DNAJC10: variants seen among roughly 807,000 people sequenced by gnomAD.
DNAJC10 encodes endoplasmic reticulum disulfide reductase DNAJC10.
Under a neutral mutation model 115.0 loss-of-function variants are expected in DNAJC10, and 101 were observed. The ratio of observed to expected loss-of-function variants is 0.88; its 90% CI spans 0.75 to 1.04. The LOEUF is 1.04. Ranked by LOEUF, DNAJC10 falls within the 50% of genes least tolerant of loss-of-function variation. The pLI is 0.00. For synonymous variants in DNAJC10, 307 were observed against 301.5 expected, an observed-to-expected ratio of 1.02 and a Z score of -0.19; for missense variants, 981 against 928.8, an observed-to-expected ratio of 1.06 and a Z score of -0.73.
At position 182,757,820 on chromosome 2, in the gene DNAJC10, T is replaced by G. The variant is rs288334; in HGVS notation, c.1938T>G (p.His646Gln). The G allele has an allele frequency of 0.63, 907,874 of 1,444,140 alleles. 290,293 individuals carry two copies. The highest frequency in any genetic ancestry group is 0.81 in the African/African-American group (56,841 of 70,390). 89.5% of individuals were successfully genotyped at this position (1,444,140 alleles called of 1,614,324 possible). The change falls in exon 19 of 24, where the codon CAT (histidine) becomes CAG (glutamine). Residue 646 changes from histidine (H) to glutamine (Q), a missense_variant. His to Gln is a conservative substitution (Grantham distance 24, BLOSUM62 0). Transcript: ENST00000264065. ...CCCCAAAATCAAATAAAGCTTATCA[T>G]TATCAGTAAGTATTCTCTCATATTT... ...FFPPKSNKAY[H>Q]YHSYNGWNRD...
chr2:182,753,804 G>A (rs967359026), intron 16 of DNAJC10, among the ~76,000 whole-genome samples: 2 of 151,872 alleles, frequency 1.3e-5, no homozygotes, highest in African/African-American at 4.8e-5. Flanking sequence ...GGATGGTCTT[G>A]ATCTCCTGAC....
chr2:182,765,804 T>G (rs1694396641), intron 22 of DNAJC10, among the ~76,000 whole-genome samples: 1 of 152,222 alleles, frequency 6.6e-6, no homozygotes, highest in African/African-American at 2.4e-5. Context: ...ATACTAGTTT[T>G]GTGTTGTATG....
At chr2:182,747,760 C>G (rs1396276953) in intron 14 of DNAJC10, among the ~76,000 whole-genome samples, 1 of 143,080 alleles carries the variant, frequency 7.0e-6, no homozygotes, top group East Asian at 2.1e-4. Context: ...GAACTTCCAA[C>G]ACTATGTTGA....
intron 22 of DNAJC10, among the ~76,000 whole-genome samples, chr2:182,774,908 A>G (rs1399221783): frequency 6.6e-6 from 1 of 152,204 alleles, no homozygotes; most frequent in African/African-American, 2.4e-5. Context: ...CAGATACCTC[A>G]GTTGGAAGTG....
At chr2:182,728,339 T>G (rs564065940) in intron 5 of DNAJC10, among the ~76,000 whole-genome samples, 1 of 152,226 alleles carries the variant, frequency 6.6e-6, no homozygotes, top group Non-Finnish European at 1.5e-5. Flanking sequence ...AGAGTTTTTT[T>G]AAAAAGCTAT....
chr2:182,763,145 C>T (rs536507017), intron 22 of DNAJC10, among the ~76,000 whole-genome samples: 1 of 152,104 alleles, frequency 6.6e-6, no homozygotes, highest in Admixed American at 6.6e-5. Flanking sequence ...CTGTTGAGGT[C>T]ACTAAGAATA....
At chr2:182,736,517 G>C in intron 11 of DNAJC10, 131 bp downstream of exon 11, 1 of 513,294 alleles carries the variant, frequency 1.9e-6, no homozygotes. Context: ...CCCTTATTTA[G>C]AACACATACT....
At position 182,781,535 on chromosome 2, in the gene DNAJC10, CCA is replaced by C. The variant is rs1469626388; in HGVS notation, c.*4407_*4408del. On this transcript the variant is annotated 3_prime_UTR_variant, in exon 24 of 24. Coordinates refer to ENST00000264065, the MANE Select transcript of DNAJC10 (RefSeq NM_018981.4). ...CTATTTCTAGATCCTTGAGGAATCG[CCA>C]CACTGTCTTCCACAATGGTTGAACA... 6.6e-6 allele frequency: 1 copy of C among 152,150 alleles called. No homozygotes were observed. The highest frequency in any genetic ancestry group is 1.5e-5 in the Non-Finnish European group (1 of 68,026). The allele number at this position is 152,150 out of a possible 1,614,324, so 9.4% of individuals were successfully genotyped here.
chr2:182,754,973 A>C, intron 16 of DNAJC10, 30 bp from the exon 17 acceptor site: 1 of 1,466,538 alleles, frequency 6.8e-7, no homozygotes. Flanking sequence ...AATCTATAAA[A>C]TCTTTAATTC....
At chr2:182,773,638 C>T (rs1214727397) in intron 22 of DNAJC10, among the ~76,000 whole-genome samples, 3 of 152,202 alleles carry the variant, frequency 2.0e-5, no homozygotes, top group African/African-American at 7.2e-5. Flanking sequence ...GAAGCTTGTG[C>T]ATGTGTCACC....
At chr2:182,728,551 TTG>T in intron 5 of DNAJC10, 23 bp from the exon 6 acceptor site, 1 of 1,522,818 alleles carries the variant, frequency 6.6e-7, no homozygotes, top group Non-Finnish European at 9.1e-7. Flanking sequence ...TAATTCTAAG[TTG>T]TTTGCATTTT....
rs535645533 is a variant in DNAJC10, at chr2:182,725,641, TGAA to T, written c.419-2930_419-2928del. On this transcript the variant is annotated intron_variant, in intron 5 of 23. Coordinates refer to ENST00000264065, the MANE Select transcript of DNAJC10 (RefSeq NM_018981.4). ...TCAATTTTATGGAGGCTTAGAGAGA[TGAA>T]GAAGCTGCAGAAAAAAGTTTGAAGC... Among the ~76,000 whole-genome samples, 3 of 152,212 alleles carry T rather than the reference TGAA, an allele frequency of 2.0e-5. No homozygotes were observed. In the South Asian group the frequency reaches 6.2e-4, roughly 32 times the overall value.
At position 182,720,030 on chromosome 2, in the gene DNAJC10, T is replaced by C; in HGVS notation, c.228T>C (p.Asp76=). The C allele has an allele frequency of 6.4e-7, 1 of 1,572,214 alleles. No individual in the cohort carries two copies. The highest frequency in any genetic ancestry group is 8.7e-7 in the Non-Finnish European group (1 of 1,150,020). The change falls in exon 4 of 24, where the codon GAT becomes GAC. Residue 76 remains aspartate, a synonymous_variant. Transcript: ENST00000264065. ...AGAATAACCCAAATGCACATGGCGA[T>C]TTTTTAAAAATAAATAGAGCATATG... ...KNPNNPNAHG[D]FLKINRAYEV...
rs1333182552 is a variant in DNAJC10, at chr2:182,778,414, A to T, written c.*1282A>T. The stretch of plus-strand genomic sequence containing the variant: ...AAAGAATCACAAATTTGTCAGTAAC[A>T]TGTAGTTGTTTAGTTATAATTCAGA... On this transcript the variant is annotated 3_prime_UTR_variant, in exon 24 of 24. Transcript: ENST00000264065. 6.6e-6 allele frequency: 1 copy of T among 152,196 alleles called. No homozygotes were observed. Among genetic ancestry groups the T allele is most frequent in the Non-Finnish European group, 1.5e-5 (1 of 68,026 alleles). The allele number at this position is 152,196 out of a possible 1,614,324, so 9.4% of individuals were successfully genotyped here.
rs543308138 is a variant in DNAJC10, at chr2:182,768,545, A to G, written c.2265+5744A>G. ...AATAATGGTTGGAGTAAGGAGAAAC[A>G]CAAACCAGGTGGGCAGTTACACACA... On this transcript the variant is annotated intron_variant, in intron 22 of 23. Transcript: ENST00000264065. Among the ~76,000 whole-genome samples, 4 of 152,298 alleles carry G rather than the reference A, an allele frequency of 2.6e-5. No homozygotes were observed. In the South Asian group the frequency reaches 8.3e-4, roughly 32 times the overall value.
intron 21 of DNAJC10, 68 bp from the exon 22 acceptor site, chr2:182,762,614 A>G (rs1193343567): frequency 3.1e-5 from 47 of 1,509,644 alleles, no homozygotes; most frequent in Middle Eastern, 3.5e-4. Context: ...TTTATATCCT[A>G]TTGCTTTGTT....
intron 14 of DNAJC10, among the ~76,000 whole-genome samples, chr2:182,745,182 C>G (rs1471389523): frequency 6.6e-6 from 1 of 152,174 alleles, no homozygotes; most frequent in Non-Finnish European, 1.5e-5. Context: ...TCTCCAGCAC[C>G]TAGAATGGTG....
rs1026266062 is a variant in DNAJC10, at chr2:182,780,892, T to C, written c.*3760T>C. On this transcript the variant is annotated 3_prime_UTR_variant, in exon 24 of 24. Coordinates refer to ENST00000264065, the MANE Select transcript of DNAJC10 (RefSeq NM_018981.4). Reference sequence around the variant, plus strand: ...ATTTGAGTGCATCACCTAGTGGCCTTTGGTCCTGAAAGTTAGCAATCATCC... The same window carrying C: ...ATTTGAGTGCATCACCTAGTGGCCTCTGGTCCTGAAAGTTAGCAATCATCC... The C allele has an allele frequency of 6.6e-6, 1 of 152,152 alleles. No homozygotes were observed. Among genetic ancestry groups the C allele is most frequent in the African/African-American group, 2.4e-5 (1 of 41,450 alleles). 9.4% of individuals were successfully genotyped at this position (152,152 alleles called of 1,614,324 possible). A position where few individuals can be genotyped will look rare whatever the true frequency, so the allele number is the denominator to read the frequency against.
At chr2:182,775,269 A>G (rs1158408982) in intron 22 of DNAJC10, 47 bp from the exon 23 acceptor site, 6 of 1,198,756 alleles carry the variant, frequency 5.0e-6, no homozygotes, top group Non-Finnish European at 7.2e-6. Context: ...TGGAAATGTT[A>G]TGTTTTTATT....
Sources: gnomAD v4.1 joint callset for allele counts (sites outside exome capture counted in the v4.1 genomes callset) on GRCh38, gnomAD v4.1.1 for gene constraint, MANE v1.5 for transcripts, NCBI Gene and HGNC (gene_info 2026-07-23, HGNC 2026-07-21) for gene names.